The following ITCH variants were observed in gnomAD, a reference collection of about 807,000 sequenced individuals.
ITCH encodes itchy E3 ubiquitin protein ligase.
ITCH carries 28 observed loss-of-function variants against 126.8 expected under a neutral mutation model. That is an observed-to-expected ratio of 0.22 (90% CI 0.16 to 0.30). The LOEUF (loss-of-function observed/expected upper bound fraction) is 0.30. ITCH is among the 10% of genes least tolerant of loss of function. The pLI is 1.00. For synonymous variants in ITCH, 342 were observed against 340.0 expected (o/e 1.01, Z -0.06); for missense variants, 631 against 1,032.4 (o/e 0.61, Z 5.33).
intron 6 of ITCH, among the ~76,000 whole-genome samples, chr20:34,419,607 T>G (rs546736414): frequency 6.6e-6 from 1 of 152,008 alleles, no homozygotes; most frequent in South Asian, 2.1e-4. Context: ...GCCTCCCGAG[T>G]AGTTGGGATT....
chr20:34,457,330 A>C, intron 12 of ITCH, 60 bp from the exon 13 acceptor site: 1 of 1,084,468 alleles, frequency 9.2e-7, no homozygotes, highest in South Asian at 1.3e-5. Context: ...TTTTACCTTG[A>C]GCAAGAAGAC....
rs746912750 is a variant in ITCH at position 34,412,666 on chromosome 20, G to C, written c.337+27G>C. On this transcript the variant is annotated intron_variant, in intron 5 of 24. Coordinates refer to ENST00000374864, the MANE Select transcript of ITCH (RefSeq NM_031483.7). ...TATGTATGTAAGACTAATAGAAATT[G>C]CACTTAGCTGTTTGTTTTTCTGGAA... The C allele has an allele frequency of 5.1e-6, 8 of 1,582,478 alleles. No homozygotes were observed. In the South Asian group the frequency reaches 8.9e-5, roughly 18 times the overall value.
chr20:34,419,505 G>T (rs1180691336), intron 6 of ITCH, among the ~76,000 whole-genome samples: 3 of 148,638 alleles, frequency 2.0e-5, no homozygotes, highest in Non-Finnish European at 4.4e-5. Context: ...TTTTTGAGAC[G>T]GAGTCTTCCA....
chr20:34,453,707 A>C (rs1029575479), intron 12 of ITCH, among the ~76,000 whole-genome samples: 1 of 152,202 alleles, frequency 6.6e-6, no homozygotes, highest in Non-Finnish European at 1.5e-5. Context: ...AAGAAAGAGA[A>C]TTCTGGCTGG....
chr20:34,428,587 T>G (rs1981864405), intron 7 of ITCH, among the ~76,000 whole-genome samples: 1 of 152,220 alleles, frequency 6.6e-6, no homozygotes, highest in Non-Finnish European at 1.5e-5. Flanking sequence ...TTTTTAAGTT[T>G]ATTATTATAT....
intron 5 of ITCH, among the ~76,000 whole-genome samples, chr20:34,413,540 G>A (rs896275172): frequency 2.0e-5 from 3 of 152,078 alleles, no homozygotes; most frequent in Non-Finnish European, 2.9e-5. Flanking sequence ...TGAAACATTA[G>A]CATATTTTGT....
intron 1 of ITCH, among the ~76,000 whole-genome samples, chr20:34,363,882 C>T (rs1449995341): frequency 6.6e-6 from 1 of 152,200 alleles, no homozygotes; most frequent in East Asian, 1.9e-4. Flanking sequence ...TCGCCTCCTC[C>T]TTCCATTGTC....
intron 2 of ITCH, among the ~76,000 whole-genome samples, chr20:34,391,252 T>A (rs2038481457): frequency 6.6e-6 from 1 of 152,196 alleles, no homozygotes; most frequent in Non-Finnish European, 1.5e-5. Context: ...AAACTACAGT[T>A]CCCTATGACC....
rs1297940453 is a variant in ITCH, at chr20:34,510,470, T to A, written c.*2676T>A. Reference sequence around the variant, plus strand: ...TTTTTTTTTTTTTTTTTTTTTTTTTTACTGCATGTTACATTGAAATAAAAA... The same window carrying A: ...TTTTTTTTTTTTTTTTTTTTTTTTTAACTGCATGTTACATTGAAATAAAAA... On this transcript the variant is annotated 3_prime_UTR_variant, in exon 25 of 25. Transcript: ENST00000374864. 2 of 112,456 alleles carry A rather than the reference T, an allele frequency of 1.8e-5. No homozygotes were observed. The highest frequency in any genetic ancestry group is 3.9e-5 in the Non-Finnish European group (2 of 51,700). 7.0% of individuals were successfully genotyped at this position (112,456 alleles called of 1,614,324 possible).
intron 14 of ITCH, among the ~76,000 whole-genome samples, chr20:34,468,980 C>G (rs1052436405): frequency 1.3e-5 from 2 of 152,038 alleles, no homozygotes; most frequent in Admixed American, 6.6e-5. Flanking sequence ...TGTACAAAAT[C>G]AGTTGTATTT....
rs6119501 is a variant in ITCH at position 34,476,692 on chromosome 20, A to G, written c.1570-1080A>G. Reference sequence around the variant, plus strand: ...ATGTGATGGTTTTGTGGGGGAACTGAGAGAACTTGGCATAAACAGGTATAC... The same window carrying G: ...ATGTGATGGTTTTGTGGGGGAACTGGGAGAACTTGGCATAAACAGGTATAC... On this transcript the variant is annotated intron_variant, in intron 16 of 24. Transcript: ENST00000374864. 8.0e-4 allele frequency: 205 copies of G among 257,226 alleles called. 1 individual carries two copies. The highest frequency in any genetic ancestry group is 4.4e-3 in the African/African-American group (194 of 44,224). The allele number at this position is 257,226 out of a possible 1,614,324, so 15.9% of individuals were successfully genotyped here.
intron 11 of ITCH, 145 bp downstream of exon 11, chr20:34,445,606 G>T: frequency 2.7e-6 from 2 of 733,486 alleles, no homozygotes; most frequent in South Asian, 1.7e-5. Flanking sequence ...TTTAGACCTT[G>T]TCTGGGGTAT....
chr20:34,393,809 G>T lies in ITCH; in HGVS notation c.-3G>T, dbSNP rs762739202. 2.5e-6 allele frequency: 4 copies of T among 1,611,874 alleles called. No homozygotes were observed. The highest frequency in any genetic ancestry group is 3.4e-6 in the Non-Finnish European group (4 of 1,178,006). On this transcript the variant is annotated 5_prime_UTR_variant, in exon 3 of 25. Coordinates refer to ENST00000374864, the MANE Select transcript of ITCH (RefSeq NM_031483.7). ...TGTTCAGGTTTTCCAACCTATTGGT[G>T]GTATGTCTGACAGTGGATCACAACT...
chr20:34,472,372 TAAAAAAAAAA>T lies in ITCH; in HGVS notation c.1569+873_1569+882del, dbSNP rs527802058. 8.5e-3 allele frequency among the ~76,000 whole-genome samples: 678 copies of T among 79,702 alleles called. 7 individuals are homozygous for T. Among genetic ancestry groups the T allele is most frequent in the African/African-American group, 0.027 (620 of 22,676 alleles). 52.3% of individuals were successfully genotyped at this position (79,702 alleles called of 152,430 possible). The stretch of plus-strand genomic sequence containing the variant: ...ATAAGAGCAAAACTCCATCTCAATT[TAAAAAAAAAA>T]AAAAAAAAAAAAAAACTTGAGTTAG... On this transcript the variant is annotated intron_variant, in intron 16 of 24. Coordinates refer to ENST00000374864, the MANE Select transcript of ITCH (RefSeq NM_031483.7).
chr20:34,380,901 C>T (rs971318340), intron 2 of ITCH, among the ~76,000 whole-genome samples: 3 of 152,016 alleles, frequency 2.0e-5, no homozygotes, highest in African/African-American at 7.2e-5. Flanking sequence ...GATTCTCCTG[C>T]CTCAGCCTCC....
Position 34,385,749 on chromosome 20 carries a change from T to C in ITCH, c.-21-8042T>C, listed in dbSNP as rs1341291808. 7.2e-5 allele frequency among the ~76,000 whole-genome samples: 11 copies of C among 152,206 alleles called. No homozygotes were observed. In the East Asian group the frequency reaches 2.1e-3, roughly 29 times the overall value. On this transcript the variant is annotated intron_variant, in intron 2 of 24. Coordinates refer to ENST00000374864, the MANE Select transcript of ITCH (RefSeq NM_031483.7). ...TCTTTGAACAGTATAATTGTCCTTT[T>C]TTGCATATGCTTTAGAATCCATACT... is the stretch of plus-strand genomic sequence containing the variant.
chr20:34,399,357 A>G (rs1273642399), intron 3 of ITCH, among the ~76,000 whole-genome samples: 1 of 151,764 alleles, frequency 6.6e-6, no homozygotes, highest in African/African-American at 2.4e-5. Flanking sequence ...GTGCCATTAC[A>G]CTCCAATCTG....
At chr20:34,414,837 A>G (rs949976257) in intron 6 of ITCH, among the ~76,000 whole-genome samples, 6 of 152,094 alleles carry the variant, frequency 3.9e-5, no homozygotes, top group African/African-American at 1.4e-4. Context: ...TCCATTTACC[A>G]TTCCCCTTCT....
intron 23 of ITCH, among the ~76,000 whole-genome samples, chr20:34,496,855 G>A (rs1300307238): frequency 1.3e-5 from 2 of 151,326 alleles, no homozygotes; most frequent in Non-Finnish European, 2.9e-5. Flanking sequence ...GCTCAGACCT[G>A]TGCCCTGAAG....
Sources: gnomAD v4.1 joint callset for allele counts (sites outside exome capture counted in the v4.1 genomes callset) on GRCh38, gnomAD v4.1.1 for gene constraint, MANE v1.5 for transcripts, NCBI Gene and HGNC (gene_info 2026-07-23, HGNC 2026-07-21) for gene names.